The following CNTN4 variants were observed in gnomAD, a reference collection of about 807,000 sequenced individuals.
CNTN4 encodes the protein contactin-4.
Under a neutral mutation model 122.5 loss-of-function variants are expected in CNTN4, and 77 were observed. That is an observed-to-expected ratio of 0.63 (90% confidence interval 0.52 to 0.76). CNTN4 has a LOEUF of 0.76. CNTN4 is among the 30% of genes least tolerant of loss of function. CNTN4 has a pLI of 0.00. For synonymous variants in CNTN4, 512 were observed against 447.0 expected (o/e 1.15, Z -1.83); for missense variants, 1,256 against 1,259.1 (o/e 1.00, Z 0.04).
chr3:2,820,664 C>A (rs2092842733), intron 7 of CNTN4, among the ~76,000 whole-genome samples: 1 of 152,114 alleles, frequency 6.6e-6, no homozygotes. Flanking sequence ...TTAGCATAAA[C>A]TCAAGTATGG....
At chr3:2,175,447 T>C (rs1445636625) in intron 2 of CNTN4, among the ~76,000 whole-genome samples, 1 of 152,244 alleles carries the variant, frequency 6.6e-6, no homozygotes, top group Non-Finnish European at 1.5e-5. Context: ...TGTTATGACA[T>C]GCATTTCAAA....
chr3:2,452,449 G>A (rs576769022), intron 3 of CNTN4, among the ~76,000 whole-genome samples: 1 of 152,114 alleles, frequency 6.6e-6, no homozygotes, highest in Non-Finnish European at 1.5e-5. Flanking sequence ...TTCTATTTGG[G>A]AAGGGACTTA....
At chr3:2,621,098 A>G (rs1226692998) in intron 4 of CNTN4, among the ~76,000 whole-genome samples, 2 of 152,200 alleles carry the variant, frequency 1.3e-5, no homozygotes, top group Non-Finnish European at 2.9e-5. Context: ...TGACTTAGAC[A>G]GGTCCTGCAA....
intron 6 of CNTN4, among the ~76,000 whole-genome samples, chr3:2,774,000 T>C (rs1427212141): frequency 1.3e-5 from 2 of 152,090 alleles, no homozygotes; most frequent in African/African-American, 2.4e-5. Context: ...CCTCAAGTGA[T>C]CCACTTGCCT....
intron 4 of CNTN4, among the ~76,000 whole-genome samples, chr3:2,599,072 T>C (rs2080905369): frequency 6.6e-6 from 1 of 152,210 alleles, no homozygotes; most frequent in Admixed American, 6.5e-5. Context: ...GTATACCTTA[T>C]AGATCATTAA....
chr3:2,166,158 G>A (rs968638350), intron 2 of CNTN4, among the ~76,000 whole-genome samples: 1 of 151,950 alleles, frequency 6.6e-6, no homozygotes, highest in Non-Finnish European at 1.5e-5. Context: ...TCATTATAAT[G>A]CATAATGTCA....
At chr3:2,305,915 A>G (rs753169332) in intron 2 of CNTN4, among the ~76,000 whole-genome samples, 5 of 152,194 alleles carry the variant, frequency 3.3e-5, no homozygotes, top group Non-Finnish European at 5.9e-5. Flanking sequence ...GACTTCTTTC[A>G]GTTAGCATGA....
intron 3 of CNTN4, among the ~76,000 whole-genome samples, chr3:2,410,798 A>G (rs1288658819): frequency 6.6e-6 from 1 of 152,168 alleles, no homozygotes. Context: ...GGGATAAATT[A>G]CCTCTTTCTA....
chr3:2,372,386 A>T (rs1239744587), intron 3 of CNTN4, among the ~76,000 whole-genome samples: 1 of 152,220 alleles, frequency 6.6e-6, no homozygotes, highest in Non-Finnish European at 1.5e-5. Flanking sequence ...TAAAATATAA[A>T]TATGTTTCTA....
chr3:2,270,358 C>T (rs2041242505), intron 2 of CNTN4, among the ~76,000 whole-genome samples: 1 of 152,000 alleles, frequency 6.6e-6, no homozygotes, highest in Admixed American at 6.6e-5. Flanking sequence ...TATTTTGTCA[C>T]CCAGGTACTA....
At chr3:2,498,630 G>T (rs900571464) in intron 3 of CNTN4, among the ~76,000 whole-genome samples, 1 of 151,996 alleles carries the variant, frequency 6.6e-6, no homozygotes, top group African/African-American at 2.4e-5. Context: ...ACAAGCGCAT[G>T]CCACCACGCC....
At chr3:2,643,796 T>C (rs1205626557) in intron 4 of CNTN4, among the ~76,000 whole-genome samples, 1 of 152,148 alleles carries the variant, frequency 6.6e-6, no homozygotes, top group East Asian at 1.9e-4. Context: ...CTTTAGTTTC[T>C]CTTTCAAAGG....
At chr3:2,837,553 G>A (rs2093256009) in intron 7 of CNTN4, among the ~76,000 whole-genome samples, 1 of 152,112 alleles carries the variant, frequency 6.6e-6, no homozygotes, top group Non-Finnish European at 1.5e-5. Context: ...CTTTCTGCAG[G>A]GAATGAAAAA....
chr3:2,693,572 A>T (rs543443319), intron 4 of CNTN4, among the ~76,000 whole-genome samples: 1 of 152,304 alleles, frequency 6.6e-6, no homozygotes, highest in African/African-American at 2.4e-5. Context: ...GTGTCTGTTC[A>T]TCCATCTGGA....
At chr3:2,313,983 T>A (rs2043004801) in intron 2 of CNTN4, among the ~76,000 whole-genome samples, 1 of 152,102 alleles carries the variant, frequency 6.6e-6, no homozygotes, top group Non-Finnish European at 1.5e-5. Flanking sequence ...TATTTATACC[T>A]ATGAATCTGA....
chr3:2,850,664 T>C (rs1483945231), intron 7 of CNTN4, among the ~76,000 whole-genome samples: 1 of 152,166 alleles, frequency 6.6e-6, no homozygotes, highest in African/African-American at 2.4e-5. Context: ...CTCCCTTACA[T>C]TGGAGAAAAC....
chr3:2,498,092 A>G (rs752769201), intron 3 of CNTN4, among the ~76,000 whole-genome samples: 2 of 152,156 alleles, frequency 1.3e-5, no homozygotes, highest in Non-Finnish European at 2.9e-5. Context: ...TGGCCAATTC[A>G]TTGAATATTA....
chr3:2,140,424 T>G (rs1398258335), intron 2 of CNTN4, among the ~76,000 whole-genome samples: 2 of 152,084 alleles, frequency 1.3e-5, no homozygotes, highest in Non-Finnish European at 2.9e-5. Flanking sequence ...CAACAGAAAT[T>G]TATTTCTTAC....
intron 3 of CNTN4, among the ~76,000 whole-genome samples, chr3:2,351,391 G>A (rs1410563570): frequency 6.6e-6 from 1 of 152,152 alleles, no homozygotes; most frequent in East Asian, 1.9e-4. Context: ...GCATGCAGAA[G>A]GAGAGAACGT....
Sources: gnomAD v4.1 joint callset for allele counts (sites outside exome capture counted in the v4.1 genomes callset) on GRCh38, gnomAD v4.1.1 for gene constraint, MANE v1.5 for transcripts, NCBI Gene and HGNC (gene_info 2026-07-23, HGNC 2026-07-21) for gene names.